Variants in ADGRF4 observed in about 807,000 individuals in gnomAD.
ADGRF4 encodes the protein G-protein coupled receptor PGR18.
In ADGRF4, 63 loss-of-function variants were observed where a neutral mutation model predicts 58.5. The observed-to-expected ratio is 1.08, with a 90% CI of 0.88 to 1.33. ADGRF4 has a LOEUF of 1.33. ADGRF4 is among the 40% of genes most tolerant of loss of function. ADGRF4 has a pLI of 0.00. For missense variants in ADGRF4, 931 were observed against 843.9 expected (o/e 1.10, Z -1.28); for synonymous variants, 313 against 295.4 (o/e 1.06, Z -0.61).
chr6:47,714,750 T>C lies in ADGRF4; in HGVS notation c.1505T>C (p.Ile502Thr). The C allele has an allele frequency of 6.2e-7, 1 of 1,613,970 alleles. No homozygotes were observed. Among genetic ancestry groups the C allele is most frequent in the African/African-American group, 1.3e-5 (1 of 75,062 alleles). Reference protein sequence around the residue: ...LFKALLIIYGILVIFRRMMKS... With the variant: ...LFKALLIIYGTLVIFRRMMKS... ...AAAGCATTGCTCATCATTTATGGAA[T>C]ATTGGTCATTTTCCGTAGGATGATG... The change falls in exon 6 of 10, where the codon ATA becomes ACA. Residue 502 changes from isoleucine (I) to threonine (T), a missense_variant. Physicochemically the swap from Ile to Thr is moderately conservative, Grantham distance 89. Coordinates refer to ENST00000283303, the MANE Select transcript of ADGRF4 (RefSeq NM_153838.5).
At position 47,704,778 on chromosome 6, in the gene ADGRF4, G is replaced by A. The variant is rs114632754; in HGVS notation, c.-16-2452G>A. Among the ~76,000 whole-genome samples the A allele has an allele frequency of 4.3e-3, 660 of 152,102 alleles. 3 individuals carry two copies. The highest frequency in any genetic ancestry group is 0.014 in the African/African-American group (574 of 41,496). ...TCTTGCTTGTAGGTAGCAAAGATAA[G>A]TATTTTTACATAAAAATCGTAAAGA... On this transcript the variant is annotated intron_variant, in intron 1 of 9. Coordinates refer to ENST00000283303, the MANE Select transcript of ADGRF4 (RefSeq NM_153838.5).
In ADGRF4 at chr6:47,717,482, A is replaced by G. The variant is rs1027276958; in HGVS notation, c.2034+131A>G. 7 of 705,602 alleles carry G rather than the reference A, an allele frequency of 9.9e-6. No individual in the cohort carries two copies. In the African/African-American group the frequency reaches 1.0e-4, roughly 11 times the overall value. 43.7% of individuals were successfully genotyped at this position (705,602 alleles called of 1,614,324 possible). ...TCAATAAAGCGTACTTCATTCATTC[A>G]TTTCTTCATTCGGTAAATTTGGAGT... On this transcript the variant is annotated intron_variant, in intron 8 of 9. Coordinates refer to ENST00000283303, the MANE Select transcript of ADGRF4 (RefSeq NM_153838.5).
rs1297419903 is a variant in ADGRF4, at chr6:47,714,784, A to C, written c.1539A>C (p.Arg513=). ...TTTTCCGTAGGATGATGAAGTCCCGAATGATGGTCATTGGCTTTGCCATTG... is the reference window on the plus strand; with the variant it reads ...TTTTCCGTAGGATGATGAAGTCCCGCATGATGGTCATTGGCTTTGCCATTG... ...LVIFRRMMKS[R]MMVIGFAIGY... Residue 513 remains arginine, a synonymous_variant, in exon 6 of 10, where the codon CGA becomes CGC. Transcript: ENST00000283303. 1.2e-6 allele frequency: 2 copies of C among 1,614,012 alleles called. No individual in the cohort carries two copies. The highest frequency in any genetic ancestry group is 1.7e-6 in the Non-Finnish European group (2 of 1,179,870).
At position 47,716,846 on chromosome 6, in the gene ADGRF4, A is replaced by G. The variant is rs1418735900; in HGVS notation, c.1973A>G (p.Lys658Arg). The stretch of plus-strand genomic sequence containing the variant: ...CTGTTTGGAACCATTATGGATCACA[A>G]GGTAATTTGAATTTGCTTCCTCCTT... ...ILLFGTIMDH[K>R]IRDALRMRMS... is the part of the protein sequence containing the mutation. The change falls in exon 7 of 10, where the codon AAG becomes AGG. Residue 658 changes from lysine (K) to arginine (R), a missense_variant and splice_region_variant. By Grantham distance (26) the Lys-to-Arg change is conservative. Transcript: ENST00000283303. The G allele has an allele frequency of 2.5e-6, 4 of 1,595,050 alleles. No individual in the cohort carries two copies. Among genetic ancestry groups the G allele is most frequent in the African/African-American group, 1.3e-5 (1 of 74,104 alleles).
intron 6 of ADGRF4, 101 bp downstream of exon 6, chr6:47,715,278 C>T (rs1342977560): frequency 1.2e-6 from 1 of 868,700 alleles, no homozygotes; most frequent in Non-Finnish European, 1.8e-6. Flanking sequence ...TCTCCACTTC[C>T]TTTTACATCT....
intron 5 of ADGRF4, among the ~76,000 whole-genome samples, chr6:47,713,566 G>A (rs1246849232): frequency 6.6e-6 from 1 of 152,156 alleles, no homozygotes; most frequent in Non-Finnish European, 1.5e-5. Context: ...ATGCTGCCCT[G>A]CGTGCAATAA....
At chr6:47,701,476 G>A (rs539338172) in intron 1 of ADGRF4, among the ~76,000 whole-genome samples, 1 of 152,318 alleles carries the variant, frequency 6.6e-6, no homozygotes, top group South Asian at 2.1e-4. Flanking sequence ...ATGTGGAGCT[G>A]CCCTTATTGG....
At chr6:47,710,282 A>T (rs1360662179) in intron 3 of ADGRF4, among the ~76,000 whole-genome samples, 1 of 152,202 alleles carries the variant, frequency 6.6e-6, no homozygotes, top group Non-Finnish European at 1.5e-5. Context: ...TTTAACTGGG[A>T]TTCCCATATT....
At chr6:47,712,222 T>C in intron 4 of ADGRF4, 135 bp from the exon 5 acceptor site, 1 of 763,178 alleles carries the variant, frequency 1.3e-6, no homozygotes, top group Non-Finnish European at 2.2e-6. Flanking sequence ...CACCCCCCTC[T>C]GCATCAAAAC....
At chr6:47,713,559 C>T (rs1487293949) in intron 5 of ADGRF4, among the ~76,000 whole-genome samples, 1 of 152,182 alleles carries the variant, frequency 6.6e-6, no homozygotes, top group Non-Finnish European at 1.5e-5. Context: ...TCTGGAAATG[C>T]TGCCCTGCGT....
Position 47,717,372 on chromosome 6 carries a change from C to A in ADGRF4, c.2034+21C>A, listed in dbSNP as rs777458131. 14 of 1,570,216 alleles carry A rather than the reference C, an allele frequency of 8.9e-6. 1 individual carries two copies. Among genetic ancestry groups the A allele is most frequent in the Middle Eastern group, 3.4e-4 (2 of 5,916 alleles). On this transcript the variant is annotated intron_variant, in intron 8 of 9. Transcript: ENST00000283303. ...CTGAGGTAAGCCTTCCCCTTTTAGT[C>A]TCAGCCCTGGAGAGTCCGTGTCCTT...
intron 2 of ADGRF4, 33 bp from the exon 3 acceptor site, chr6:47,708,191 T>C: frequency 6.4e-7 from 1 of 1,559,788 alleles, no homozygotes. Flanking sequence ...AGTCCCACAG[T>C]AAAGAGGACC....
chr6:47,717,013 C>G (rs1772037056), intron 7 of ADGRF4, among the ~76,000 whole-genome samples, 166 bp downstream of exon 7: 3 of 152,054 alleles, frequency 2.0e-5, no homozygotes, highest in Admixed American at 2.0e-4. Flanking sequence ...AATATTCTGT[C>G]ATTTCTTGCT....
intron 7 of ADGRF4, 50 bp downstream of exon 7, chr6:47,716,897 G>A: frequency 2.3e-6 from 3 of 1,293,220 alleles, no homozygotes; most frequent in Non-Finnish European, 3.3e-6. Flanking sequence ...GTGGCTGGGG[G>A]AAGCAGGAGG....
intron 2 of ADGRF4, among the ~76,000 whole-genome samples, chr6:47,707,961 T>G (rs1771760289): frequency 6.6e-6 from 1 of 152,164 alleles, no homozygotes. Context: ...TTTTGAAAGA[T>G]GTAGCATCTC....
chr6:47,717,191 T>C lies in ADGRF4; in HGVS notation c.1975-101T>C, dbSNP rs75142741. The C allele has an allele frequency of 4.5e-3, 3,732 of 827,568 alleles. 81 individuals are homozygous for C. In the African/African-American group the frequency reaches 0.049, roughly 11 times the overall value. 51.3% of individuals were successfully genotyped at this position (827,568 alleles called of 1,614,324 possible). On this transcript the variant is annotated intron_variant, in intron 7 of 9. Transcript: ENST00000283303. ...AGTCACTATGCTAAGTCCTCTGATATTGCTTCTGCCAGGGTTACTGGTCTT... is the reference window on the plus strand; with the variant it reads ...AGTCACTATGCTAAGTCCTCTGATACTGCTTCTGCCAGGGTTACTGGTCTT...
chr6:47,712,661 A>T, intron 5 of ADGRF4, 53 bp downstream of exon 5: 1 of 1,343,280 alleles, frequency 7.4e-7, no homozygotes, highest in Non-Finnish European at 1.0e-6. Flanking sequence ...TTTTCATTTG[A>T]ATAGTTTCAA....
chr6:47,713,783 C>G lies in ADGRF4; in HGVS notation c.553-15C>G, dbSNP rs199705254. Reference sequence around the variant, plus strand: ...TGTAAATCCTTAGTATAATGTTCACCTTTCTCCATTGCAGAGCTATAGTGA... The same window carrying G: ...TGTAAATCCTTAGTATAATGTTCACGTTTCTCCATTGCAGAGCTATAGTGA... On this transcript the variant is annotated splice_polypyrimidine_tract_variant and intron_variant, in intron 5 of 9. Transcript: ENST00000283303. 6.6e-7 allele frequency: 1 copy of G among 1,510,492 alleles called. No homozygotes were observed. The highest frequency in any genetic ancestry group is 1.4e-5 in the African/African-American group (1 of 71,648). 93.6% of individuals were successfully genotyped at this position (1,510,492 alleles called of 1,614,324 possible). A position where few individuals can be genotyped will look rare whatever the true frequency, so the allele number is the denominator to read the frequency against.
At chr6:47,709,849 G>GTTTTTTTT (rs71305748) in intron 3 of ADGRF4, among the ~76,000 whole-genome samples, 1 of 147,530 alleles carries the variant, frequency 6.8e-6, no homozygotes. Context: ...TAGCATCACA[G>GTTTTTTTT]TTTTTTTTTT....
Sources: allele counts gnomAD v4.1 joint callset (sites outside exome capture counted in the v4.1 genomes callset), GRCh38; gene constraint gnomAD v4.1.1; transcripts MANE v1.5; gene names NCBI Gene and HGNC (gene_info 2026-07-23, HGNC 2026-07-21).